Variants in KIF1B observed in about 807,000 individuals in gnomAD.
KIF1B encodes the protein kinesin-like protein KIF1B.
Under a neutral mutation model 241.9 loss-of-function variants are expected in KIF1B, and 76 were observed. That is an observed-to-expected ratio of 0.31 (90% CI 0.26 to 0.38). The LOEUF is 0.38. KIF1B is among the 10% of genes least tolerant of loss of function. The pLI is 1.00. For missense variants in KIF1B, 1,622 were observed against 2,271.4 expected (o/e 0.71, Z 5.81); for synonymous variants, 750 against 796.7 (o/e 0.94, Z 0.99).
At chr1:10,294,827 C>T (rs1034467797) in intron 17 of KIF1B, among the ~76,000 whole-genome samples, 25 of 151,950 alleles carry the variant, frequency 1.6e-4, no homozygotes, top group Admixed American at 2.6e-4. Context: ...AAAATCATGC[C>T]GCTGTACTCT....
At position 10,252,970 on chromosome 1, in the gene KIF1B, C is replaced by T. The variant is rs138405189; in HGVS notation, c.107-3277C>T. Among the ~76,000 whole-genome samples the T allele has an allele frequency of 7.4e-3, 1,127 of 152,224 alleles. 17 individuals are homozygous for T. The highest frequency in any genetic ancestry group is 0.026 in the African/African-American group (1,077 of 41,512). ...CAACTCCTGACCTCAGGTGATCTGC[C>T]CACCTCAGCCTCCCAAAGTACTGGG... is the stretch of plus-strand genomic sequence containing the variant. On this transcript the variant is annotated intron_variant, in intron 2 of 48. Coordinates refer to ENST00000676179, the MANE Select transcript of KIF1B (RefSeq NM_001365951.3).
intron 32 of KIF1B, among the ~76,000 whole-genome samples, chr1:10,340,064 T>C (rs1295762291): frequency 6.6e-6 from 1 of 152,126 alleles, no homozygotes; most frequent in East Asian, 1.9e-4. Flanking sequence ...GCCTAGTGAA[T>C]GTGGGTTCGT....
At chr1:10,275,802 TC>T (rs1649068929) in intron 11 of KIF1B, among the ~76,000 whole-genome samples, 1 of 152,172 alleles carries the variant, frequency 6.6e-6, no homozygotes, top group African/African-American at 2.4e-5. Flanking sequence ...ATTTCAAAAC[TC>T]CATGCTTCTC....
chr1:10,336,527 A>G (rs534365586), intron 28 of KIF1B, 130 bp from the exon 29 acceptor site: 24 of 775,386 alleles, frequency 3.1e-5, no homozygotes, highest in East Asian at 1.2e-4. Context: ...GAAGCAGCCC[A>G]TGCCGTGTTA....
Position 10,337,189 on chromosome 1 carries a change from G to C in KIF1B, c.3245G>C (p.Arg1082Pro). 6.2e-7 allele frequency: 1 copy of C among 1,614,068 alleles called. No individual in the cohort carries two copies. The highest frequency in any genetic ancestry group is 8.5e-7 in the Non-Finnish European group (1 of 1,180,020). Residue 1082 changes from arginine (R) to proline (P), a missense_variant, in exon 30 of 49, where the codon CGA (arginine) becomes CCA (proline). Transcript: ENST00000676179. This position sits in a 1 kb window ranked among gnomAD's most constrained non-coding sequence, Gnocchi z 4.0. The part of the protein sequence containing the change: ...EVITPPEEIS[R>P]INDLDLKSST... Reference sequence around the variant, plus strand: ...ATCACTCCTCCAGAAGAAATCAGTCGAATTAATGACTTGGGTATGTAGACA... The same window carrying C: ...ATCACTCCTCCAGAAGAAATCAGTCCAATTAATGACTTGGGTATGTAGACA...
intron 22 of KIF1B, among the ~76,000 whole-genome samples, chr1:10,319,490 A>T (rs1030405040): frequency 2.6e-5 from 4 of 152,180 alleles, no homozygotes; most frequent in African/African-American, 9.7e-5. Flanking sequence ...TCCTAATAGC[A>T]CTATGAGCTT....
At chr1:10,224,651 T>C (rs1343677860) in intron 1 of KIF1B, among the ~76,000 whole-genome samples, 1 of 152,186 alleles carries the variant, frequency 6.6e-6, no homozygotes. Context: ...CTTGAACTTC[T>C]GGCCTCAAGC....
chr1:10,287,357 C>T (rs557239650), intron 15 of KIF1B, among the ~76,000 whole-genome samples: 108 of 152,130 alleles, frequency 7.1e-4, no homozygotes, highest in African/African-American at 1.5e-3. Context: ...CCACTGTGCC[C>T]GGCTAATTTT....
Position 10,376,834 on chromosome 1 carries a change from AACACACACAC to A in KIF1B, c.*271_*280del, listed in dbSNP as rs111663673. On this transcript the variant is annotated 3_prime_UTR_variant, in exon 49 of 49. Coordinates refer to ENST00000676179, the MANE Select transcript of KIF1B (RefSeq NM_001365951.3). ...CTAACAAAAGGAAAAAATGTTTTTA[AACACACACAC>A]ACACACACACACACACACACACATA... 3.7e-4 allele frequency: 163 copies of A among 442,608 alleles called. No homozygotes were observed. Among genetic ancestry groups the A allele is most frequent in the South Asian group, 2.9e-3 (136 of 46,560 alleles). 27.4% of individuals were successfully genotyped at this position (442,608 alleles called of 1,614,324 possible).
chr1:10,257,947 G>A (rs1290578867), intron 3 of KIF1B, among the ~76,000 whole-genome samples: 1 of 152,156 alleles, frequency 6.6e-6, no homozygotes, highest in African/African-American at 2.4e-5. Context: ...AGAGTGATGG[G>A]ATTATAGGCA....
At chr1:10,289,709 C>G (rs1649892481) in intron 15 of KIF1B, among the ~76,000 whole-genome samples, 1 of 152,052 alleles carries the variant, frequency 6.6e-6, no homozygotes, top group African/African-American at 2.4e-5. Flanking sequence ...TATGGTGAAA[C>G]CTCATATCTA....
chr1:10,257,888 G>T (rs1442252173), intron 3 of KIF1B, among the ~76,000 whole-genome samples: 7 of 152,120 alleles, frequency 4.6e-5, no homozygotes, highest in Non-Finnish European at 8.8e-5. Flanking sequence ...TGTTGGCCAG[G>T]CTGGTCTCGA....
chr1:10,234,693 T>C lies in KIF1B; in HGVS notation c.106+2259T>C, dbSNP rs187418356. Among the ~76,000 whole-genome samples, 52 of 151,878 alleles carry C rather than the reference T, an allele frequency of 3.4e-4. 1 individual carries two copies. The highest frequency in any genetic ancestry group is 3.3e-3 in the Admixed American group (50 of 15,254). ...TGTGCCACTATGCCTGGCTAGTTTT[T>C]TTCTATTTTCTGTAGAGACGGGGAC... On this transcript the variant is annotated intron_variant, in intron 2 of 48. Transcript: ENST00000676179.
chr1:10,303,123 G>C lies in KIF1B; in HGVS notation c.2115+5877G>C. On this transcript the variant is annotated intron_variant, in intron 22 of 48. Coordinates refer to ENST00000676179, the MANE Select transcript of KIF1B (RefSeq NM_001365951.3). The surrounding 1 kb of genome is among the most constrained non-coding windows in gnomAD (Gnocchi z 5.2). ...TTTTCCTTTTTTACATTTTAATTTT[G>C]GTTATTTTGGGGCCATTTTTTGATT... 6 of 1,564,710 alleles carry C rather than the reference G, an allele frequency of 3.8e-6. No homozygotes were observed. The highest frequency in any genetic ancestry group is 5.2e-6 in the Non-Finnish European group (6 of 1,156,818).
At chr1:10,282,256 T>C in intron 14 of KIF1B, 66 bp from the exon 15 acceptor site, 1 of 1,308,508 alleles carries the variant, frequency 7.6e-7, no homozygotes, top group Non-Finnish European at 1.1e-6. Flanking sequence ...TTCCTGTCTT[T>C]TTTTCTTCCT....
intron 1 of KIF1B, among the ~76,000 whole-genome samples, chr1:10,227,545 A>G (rs1646925844): frequency 6.6e-6 from 1 of 152,150 alleles, no homozygotes; most frequent in African/African-American, 2.4e-5. Context: ...TTTTTTAAAC[A>G]GTTTTCATTT....
intron 22 of KIF1B, among the ~76,000 whole-genome samples, chr1:10,319,578 A>C (rs1260773662): frequency 2.0e-5 from 3 of 152,214 alleles, no homozygotes; most frequent in African/African-American, 7.2e-5. Flanking sequence ...CAAAGTCTAC[A>C]ATCTTAATTT....
intron 27 of KIF1B, among the ~76,000 whole-genome samples, chr1:10,332,062 C>CTTTTTTCTTTTTT (rs377177489): frequency 6.6e-6 from 1 of 151,948 alleles, no homozygotes; most frequent in Admixed American, 6.6e-5. Flanking sequence ...TAACATTTAT[C>CTTTTTTCTTTTTT]TTTTTTCTTT....
At chr1:10,269,031 A>C (rs890940478) in intron 7 of KIF1B, among the ~76,000 whole-genome samples, 3 of 152,190 alleles carry the variant, frequency 2.0e-5, no homozygotes, top group African/African-American at 2.4e-5. Context: ...TTTATGTTGA[A>C]TACTACTCTA....
Sources: gnomAD v4.1 joint callset for allele counts (sites outside exome capture counted in the v4.1 genomes callset) on GRCh38, gnomAD v4.1.1 for gene constraint, Gnocchi (gnomAD v3.1) non-coding constraint, MANE v1.5 for transcripts, NCBI Gene and HGNC (gene_info 2026-07-23, HGNC 2026-07-21) for gene names.